The following RFX2 variants were observed in gnomAD, a reference collection of about 807,000 sequenced individuals.
RFX2 encodes regulatory factor X2, also known as DNA-binding protein RFX2.
RFX2 carries 20 observed loss-of-function variants against 87.8 expected under a neutral mutation model. That is an observed-to-expected ratio of 0.23 (90% CI 0.16 to 0.33). RFX2 has a LOEUF of 0.33. RFX2 is among the 10% of genes least tolerant of loss of function. The pLI is 1.00. For missense variants in RFX2, 767 were observed against 1,012.3 expected (o/e 0.76, Z 3.29); for synonymous variants, 397 against 431.3 (o/e 0.92, Z 0.98).
chr19:6,084,643 C>CTTTTTTTTTTTTTTT (rs57501118), intron 1 of RFX2, among the ~76,000 whole-genome samples: 9 of 145,360 alleles, frequency 6.2e-5, no homozygotes, highest in African/African-American at 1.9e-4. Context: ...TTCTTTCTTT[C>CTTTTTTTTTTTTTTT]TTTTTTTTGA....
At position 6,042,002 on chromosome 19, in the gene RFX2, A is replaced by G. The variant is rs2087114854; in HGVS notation, c.260+42T>C. 3.2e-6 allele frequency: 5 copies of G among 1,553,582 alleles called. 1 individual carries two copies. The South Asian group carries it at 3.3e-5, about 10-fold the overall frequency. ...TCCCCAGGTGGCAAAGGCTGGAGTCAGGGAGAGGGTTCCGGGTGTGGCCCG... is the reference window on the plus strand; with the variant it reads ...TCCCCAGGTGGCAAAGGCTGGAGTCGGGGAGAGGGTTCCGGGTGTGGCCCG... On this transcript the variant is annotated intron_variant, in intron 4 of 17. Coordinates refer to ENST00000303657, the MANE Select transcript of RFX2 (RefSeq NM_000635.4).
At position 6,001,776 on chromosome 19, in the gene RFX2, C is replaced by G; in HGVS notation, c.1859+39G>C. 6.5e-7 allele frequency: 1 copy of G among 1,535,010 alleles called. No individual in the cohort carries two copies. The highest frequency in any genetic ancestry group is 1.2e-5 in the South Asian group (1 of 82,924). Reference sequence around the variant, plus strand: ...TCTAGAAGTTTCTCTCAGAGCCCCCCACCCGCCAGAATTCTCTCGGAGGTC... The same window carrying G: ...TCTAGAAGTTTCTCTCAGAGCCCCCGACCCGCCAGAATTCTCTCGGAGGTC... On this transcript the variant is annotated intron_variant, in intron 15 of 17. Coordinates refer to ENST00000303657, the MANE Select transcript of RFX2 (RefSeq NM_000635.4). This position sits in a 1 kb window ranked among gnomAD's most constrained non-coding sequence, Gnocchi z 5.6.
At chr19:6,094,485 C>T (rs564780594) in intron 1 of RFX2, among the ~76,000 whole-genome samples, 3 of 152,190 alleles carry the variant, frequency 2.0e-5, no homozygotes, top group Non-Finnish European at 4.4e-5. Context: ...CAGACTTTGT[C>T]AGTGACCTTA....
intron 1 of RFX2, among the ~76,000 whole-genome samples, chr19:6,087,676 T>TA (rs2087872327): frequency 6.6e-6 from 1 of 152,142 alleles, no homozygotes; most frequent in Admixed American, 6.5e-5. Flanking sequence ...GCCTTCACTC[T>TA]AAAAAATCCA....
At chr19:6,008,030 G>A (rs563212088) in intron 10 of RFX2, 76 bp downstream of exon 10, 52 of 1,117,032 alleles carry the variant, frequency 4.7e-5, no homozygotes, top group Admixed American at 3.6e-4. Flanking sequence ...AGCGTCACCC[G>A]GGGACGCCTG....
chr19:6,055,934 C>T (rs10424449), intron 1 of RFX2, among the ~76,000 whole-genome samples: 3,016 of 151,782 alleles, frequency 0.02, 98 homozygotes, highest in African/African-American at 0.068. Flanking sequence ...AAAATCATTA[C>T]GCTGAGTGAA....
chr19:6,043,871 C>T (rs1333918362), intron 3 of RFX2, among the ~76,000 whole-genome samples: 3 of 152,220 alleles, frequency 2.0e-5, no homozygotes, highest in Non-Finnish European at 2.9e-5. Context: ...ATGGTTCCTC[C>T]AGTCCAGAGC....
chr19:5,996,981 T>C, intron 16 of RFX2, 79 bp downstream of exon 16: 1 of 1,447,042 alleles, frequency 6.9e-7, no homozygotes, highest in Non-Finnish European at 9.3e-7. Flanking sequence ...GTGTCCTCTC[T>C]CTGGGCTGCT....
Position 6,002,581 on chromosome 19 carries a change from TG to T in RFX2, c.1650+139del. 1 of 1,043,500 alleles carries T rather than the reference TG, an allele frequency of 9.6e-7. No individual in the cohort carries two copies. Among genetic ancestry groups the T allele is most frequent in the Non-Finnish European group, 1.4e-6 (1 of 713,336 alleles). The allele number at this position is 1,043,500 out of a possible 1,614,324, so 64.6% of individuals were successfully genotyped here. A position where few individuals can be genotyped will look rare whatever the true frequency, so the allele number is the denominator to read the frequency against. The stretch of plus-strand genomic sequence containing the variant: ...TGGGGGCTGTGGGTGGGCTTTGGCC[TG>T]GGACCCGTGTCATGCAACAGAACCG... On this transcript the variant is annotated intron_variant, in intron 14 of 17. Transcript: ENST00000303657. This position sits in a 1 kb window ranked among gnomAD's most constrained non-coding sequence, Gnocchi z 6.7.
rs768811405 is a variant in RFX2 at position 6,013,031 on chromosome 19, G to A, written c.854C>T (p.Thr285Met). ...DSPLNRLQED[T>M]QYMAMRQQPM... Reference sequence around the variant, plus strand: ...CTGCTGCCGCATGGCCATGTACTGCGTGTCCTCCTGCAGCCGGTTCAGTGG... The same window carrying A: ...CTGCTGCCGCATGGCCATGTACTGCATGTCCTCCTGCAGCCGGTTCAGTGG... Residue 285 changes from threonine (T) to methionine (M), a missense_variant, in exon 8 of 18, where the codon ACG becomes ATG. By Grantham distance (81) the Thr-to-Met change is moderately conservative. Coordinates refer to ENST00000303657, the MANE Select transcript of RFX2 (RefSeq NM_000635.4). The surrounding 1 kb of genome is among the most constrained non-coding windows in gnomAD (Gnocchi z 4.1). The A allele has an allele frequency of 1.2e-5, 19 of 1,602,782 alleles. No individual in the cohort carries two copies. In the Admixed American group the frequency reaches 1.2e-4, roughly 10 times the overall value.
chr19:6,007,994 TGG>T lies in RFX2; in HGVS notation c.1134+110_1134+111del. The T allele has an allele frequency of 2.3e-6, 2 of 860,002 alleles. No homozygotes were observed. Among genetic ancestry groups the T allele is most frequent in the African/African-American group, 1.7e-5 (1 of 60,102 alleles). The allele number at this position is 860,002 out of a possible 1,614,324, so 53.3% of individuals were successfully genotyped here. ...CTGCTGCTTCAGAGAGGATGCTTGT[TGG>T]GGGGCTCGGGGCTCCAGCTCCTCAG... is the stretch of plus-strand genomic sequence containing the variant. On this transcript the variant is annotated intron_variant, in intron 10 of 17. Transcript: ENST00000303657. The surrounding 1 kb of genome is among the most constrained non-coding windows in gnomAD (Gnocchi z 8.2).
chr19:6,026,316 A>G lies in RFX2; in HGVS notation c.523-79T>C. 8.0e-7 allele frequency: 1 copy of G among 1,255,282 alleles called. No homozygotes were observed. The highest frequency in any genetic ancestry group is 1.1e-6 in the Non-Finnish European group (1 of 873,564). The allele number at this position is 1,255,282 out of a possible 1,614,324, so 77.8% of individuals were successfully genotyped here. A position where few individuals can be genotyped will look rare whatever the true frequency, so the allele number is the denominator to read the frequency against. Reference sequence around the variant, plus strand: ...GGAAATCAGATGGTTAGCATCAGCCAAGATTTGTTTTTATTAATATCCAAA... The same window carrying G: ...GGAAATCAGATGGTTAGCATCAGCCGAGATTTGTTTTTATTAATATCCAAA... On this transcript the variant is annotated intron_variant, in intron 5 of 17. Transcript: ENST00000303657. This position sits in a 1 kb window ranked among gnomAD's most constrained non-coding sequence, Gnocchi z 4.5.
chr19:6,071,538 C>T (rs1470341931), intron 1 of RFX2, among the ~76,000 whole-genome samples: 25 of 152,224 alleles, frequency 1.6e-4, no homozygotes, highest in Non-Finnish European at 2.9e-5. Context: ...TTTATTCCAT[C>T]CGTCATCTCT....
In RFX2 at chr19:6,020,603, A is replaced by G. The variant is rs1235031048; in HGVS notation, c.598-4332T>C. Among the ~76,000 whole-genome samples the G allele has an allele frequency of 6.6e-6, 1 of 152,194 alleles. No individual in the cohort carries two copies. Among genetic ancestry groups the G allele is most frequent in the East Asian group, 1.9e-4 (1 of 5,178 alleles). Reference sequence around the variant, plus strand: ...GAGCCCACACCTGGCGGCACGTCAGACTGCGGCAAGCATCACAGGTCAGTT... The same window carrying G: ...GAGCCCACACCTGGCGGCACGTCAGGCTGCGGCAAGCATCACAGGTCAGTT... On this transcript the variant is annotated intron_variant, in intron 6 of 17. Transcript: ENST00000303657. This position sits in a 1 kb window ranked among gnomAD's most constrained non-coding sequence, Gnocchi z 5.3.
Position 6,007,589 on chromosome 19 carries a change from A to C in RFX2, c.1247+101T>G. On this transcript the variant is annotated intron_variant, in intron 11 of 17. Transcript: ENST00000303657. The surrounding 1 kb of genome is among the most constrained non-coding windows in gnomAD (Gnocchi z 8.2). ...TGGAGGCAGAGGGGTCTGAACCCTG[A>C]TTCTTGGAGAGCTGAGGCTTTCGTT... is the stretch of plus-strand genomic sequence containing the variant. 1 of 707,800 alleles carries C rather than the reference A, an allele frequency of 1.4e-6. No homozygotes were observed. Among genetic ancestry groups the C allele is most frequent in the Non-Finnish European group, 2.5e-6 (1 of 402,342 alleles). 43.8% of individuals were successfully genotyped at this position (707,800 alleles called of 1,614,324 possible).
In RFX2 at chr19:5,997,823, G is replaced by C. The variant is rs1455695728; in HGVS notation, c.1860-610C>G. 6.6e-6 allele frequency among the ~76,000 whole-genome samples: 1 copy of C among 152,210 alleles called. No homozygotes were observed. On this transcript the variant is annotated intron_variant, in intron 15 of 17. Transcript: ENST00000303657. This position sits in a 1 kb window ranked among gnomAD's most constrained non-coding sequence, Gnocchi z 4.2. ...CTGACAATGCTTTACATTTTGAAAT[G>C]GTTGGAAAAAGTCAAAAGAATAATT... is the stretch of plus-strand genomic sequence containing the variant.
chr19:6,038,394 A>G (rs2087054731), intron 5 of RFX2, among the ~76,000 whole-genome samples: 1 of 151,824 alleles, frequency 6.6e-6, no homozygotes, highest in Admixed American at 6.6e-5. Flanking sequence ...CAAAGAAAAC[A>G]GGAGAAAATC....
At chr19:6,059,838 T>C (rs1808328973) in intron 1 of RFX2, among the ~76,000 whole-genome samples, 1 of 152,018 alleles carries the variant, frequency 6.6e-6, no homozygotes, top group African/African-American at 2.4e-5. Context: ...CAGGATAATA[T>C]GAGAAGAATG....
rs2087480989 is a variant in RFX2 at position 6,064,366 on chromosome 19, G to A, written c.-8-16862C>T. On this transcript the variant is annotated intron_variant, in intron 1 of 17. Transcript: ENST00000303657. This position sits in a 1 kb window ranked among gnomAD's most constrained non-coding sequence, Gnocchi z 4.8. ...CACGTTTCTCTCCCTTTCTGACCAT[G>A]AGCAGGGCTGCAGTGCAGCTGCTGA... Among the ~76,000 whole-genome samples, 1 of 152,200 alleles carries A rather than the reference G, an allele frequency of 6.6e-6. No homozygotes were observed. Among genetic ancestry groups the A allele is most frequent in the African/African-American group, 2.4e-5 (1 of 41,456 alleles).
Sources: gnomAD v4.1 joint callset for allele counts (sites outside exome capture counted in the v4.1 genomes callset) on GRCh38, gnomAD v4.1.1 for gene constraint, Gnocchi (gnomAD v3.1) non-coding constraint, MANE v1.5 for transcripts, NCBI Gene and HGNC (gene_info 2026-07-23, HGNC 2026-07-21) for gene names.